Variants in TRAPPC3L observed in about 807,000 individuals in gnomAD.
The protein encoded by TRAPPC3L is trafficking protein particle complex subunit 3L, also known as trafficking protein particle complex subunit 3-like protein.
A neutral mutation model predicts 23.7 loss-of-function variants in TRAPPC3L; 23 were observed. The ratio of observed to expected loss-of-function variants is 0.97; its 90% CI spans 0.70 to 1.37. The LOEUF is 1.37. TRAPPC3L is among the 40% of genes most tolerant of loss of function. The probability of loss-of-function intolerance (pLI) is 0.00; values close to 1 mark genes in which losing one functional copy is unlikely to be tolerated. For missense variants in TRAPPC3L, 212 were observed against 216.8 expected, an observed-to-expected ratio of 0.98 and a Z score of 0.14; for synonymous variants, 81 against 77.9, an observed-to-expected ratio of 1.04 and a Z score of -0.21.
chr6:116,530,402 AAGACTT>A (rs1221350797), intron 3 of TRAPPC3L, among the ~76,000 whole-genome samples: 1 of 152,210 alleles, frequency 6.6e-6, no homozygotes, highest in African/African-American at 2.4e-5. Flanking sequence ...AGGACTGAAA[AAGACTT>A]AGAAAAAAGA....
chr6:116,507,049 T>C (rs150194867), intron 3 of TRAPPC3L, among the ~76,000 whole-genome samples: 1 of 152,130 alleles, frequency 6.6e-6, no homozygotes, highest in African/African-American at 2.4e-5. Flanking sequence ...ATACTATTTT[T>C]AATGTATAGA....
At chr6:116,518,797 T>A (rs1194688987) in intron 3 of TRAPPC3L, 1 of 152,142 alleles carries the variant, frequency 6.6e-6, no homozygotes, top group African/African-American at 2.4e-5. Flanking sequence ...CTTACGCTCA[T>A]GACAATGACT....
intron 3 of TRAPPC3L, chr6:116,518,608 T>C (rs1362489669): frequency 1.3e-5 from 2 of 152,188 alleles, no homozygotes; most frequent in Non-Finnish European, 2.9e-5. Flanking sequence ...AAGTGTCTTC[T>C]GAGCTGGAAA....
rs918393544 is a variant in TRAPPC3L at position 116,500,490 on chromosome 6, G to A, written c.417C>T (p.Ala139=). The change falls in exon 4 of 5, where the codon GCC becomes GCT. Residue 139 remains alanine, a synonymous_variant. Coordinates refer to ENST00000368602, the MANE Select transcript of TRAPPC3L (RefSeq NM_001139444.3). The part of the protein sequence containing the change: ...CNLLCGIIRG[A]LEMVHLAADV... ...ACTTATTCAACTTTACCATTTCCAA[G>A]GCACCTCTGATAATCCCACAGAGCA... 6.5e-7 allele frequency: 1 copy of A among 1,547,626 alleles called. No individual in the cohort carries two copies. The highest frequency in any genetic ancestry group is 1.4e-5 in the African/African-American group (1 of 72,782).
rs1052235157 is a variant in TRAPPC3L at position 116,495,322 on chromosome 6, C to T, written c.*1632G>A. On this transcript the variant is annotated 3_prime_UTR_variant, in exon 5 of 5. Transcript: ENST00000368602. ...GAACATAATGACCTCTAGTTCCATC[C>T]ATGTTTTGCAAATGACAGGATCTCA... is the stretch of plus-strand genomic sequence containing the variant. The T allele has an allele frequency of 6.6e-6, 1 of 151,890 alleles. No individual in the cohort carries two copies. The highest frequency in any genetic ancestry group is 1.5e-5 in the Non-Finnish European group (1 of 67,986). 9.4% of individuals were successfully genotyped at this position (151,890 alleles called of 1,614,324 possible).
chr6:116,522,041 A>C (rs1416710643), intron 3 of TRAPPC3L: 2 of 152,238 alleles, frequency 1.3e-5, no homozygotes, highest in Non-Finnish European at 2.9e-5. Flanking sequence ...AGAGAGAGAG[A>C]GAGAGATCCC....
chr6:116,501,579 C>A (rs978769430), intron 3 of TRAPPC3L, among the ~76,000 whole-genome samples: 2 of 152,300 alleles, frequency 1.3e-5, no homozygotes, highest in East Asian at 1.9e-4. Flanking sequence ...GGTCCATGAC[C>A]CCCATGTAGC....
chr6:116,497,588 G>A (rs1771850191), intron 4 of TRAPPC3L, among the ~76,000 whole-genome samples: 1 of 152,106 alleles, frequency 6.6e-6, no homozygotes, highest in Non-Finnish European at 1.5e-5. Flanking sequence ...ATGAATTATA[G>A]ATATAAAATT....
chr6:116,527,655 G>C (rs1772485379), intron 3 of TRAPPC3L, among the ~76,000 whole-genome samples: 1 of 151,732 alleles, frequency 6.6e-6, no homozygotes, highest in Non-Finnish European at 1.5e-5. Context: ...TAGAGGTGAA[G>C]TTTTGCCTTC....
intron 2 of TRAPPC3L, 133 bp downstream of exon 2, chr6:116,543,170 G>T (rs1053831091): frequency 1.7e-6 from 1 of 604,032 alleles, no homozygotes. Flanking sequence ...ATTATGTTCA[G>T]CTTTCAGATG....
chr6:116,508,232 G>T (rs186805472), intron 3 of TRAPPC3L, among the ~76,000 whole-genome samples: 3,985 of 152,286 alleles, frequency 0.026, 154 homozygotes, highest in African/African-American at 0.088. Context: ...CTGGCACACA[G>T]TGGGAGTTCA....
At chr6:116,526,050 A>G (rs548711062) in intron 3 of TRAPPC3L, among the ~76,000 whole-genome samples, 1 of 152,348 alleles carries the variant, frequency 6.6e-6, no homozygotes, top group South Asian at 2.1e-4. Context: ...CACCGACCCT[A>G]TGCATGAAGT....
At chr6:116,536,963 A>G (rs1192020193) in intron 3 of TRAPPC3L, among the ~76,000 whole-genome samples, 2 of 152,202 alleles carry the variant, frequency 1.3e-5, no homozygotes, top group African/African-American at 2.4e-5. Context: ...ATTTTTAACA[A>G]AGCTTCAGTG....
chr6:116,512,089 G>T lies in TRAPPC3L; in HGVS notation c.241-11423C>A, dbSNP rs561909396. On this transcript the variant is annotated intron_variant, in intron 3 of 4. Transcript: ENST00000368602. ...CTTTCTATGAATGTGCCATGAGCGG[G>T]ACGAGAAGTTCAGGACTCCTGGAAC... is the stretch of plus-strand genomic sequence containing the variant. 44 of 1,614,056 alleles carry T rather than the reference G, an allele frequency of 2.7e-5. No individual in the cohort carries two copies. The South Asian group carries it at 4.5e-4, about 17-fold the overall frequency.
chr6:116,515,061 A>T (rs73553441), intron 3 of TRAPPC3L, among the ~76,000 whole-genome samples: 10 of 152,164 alleles, frequency 6.6e-5, no homozygotes, highest in African/African-American at 2.4e-4. Flanking sequence ...GGTTTTAATG[A>T]TCCTAATTTT....
At chr6:116,505,315 TGTGAA>T (rs2115158106) in intron 3 of TRAPPC3L, among the ~76,000 whole-genome samples, 1 of 152,266 alleles carries the variant, frequency 6.6e-6, no homozygotes, top group South Asian at 2.1e-4. Context: ...TTACAAGGGA[TGTGAA>T]GGACCTCTTC....
chr6:116,535,184 GA>G (rs367690936), intron 3 of TRAPPC3L, among the ~76,000 whole-genome samples: 2 of 152,346 alleles, frequency 1.3e-5, no homozygotes, highest in Middle Eastern at 3.4e-3. Flanking sequence ...GATAGCTAGT[GA>G]AAATAACACC....
chr6:116,509,235 G>A (rs542074547), intron 3 of TRAPPC3L, among the ~76,000 whole-genome samples: 2 of 152,140 alleles, frequency 1.3e-5, no homozygotes, highest in South Asian at 4.1e-4. Context: ...CTCCTGGATT[G>A]GAAGAATCAA....
At position 116,505,563 on chromosome 6, in the gene TRAPPC3L, C is replaced by T. The variant is rs1771989595; in HGVS notation, c.241-4897G>A. ...CAAAAAAGAGCCCGCATTGCCAAGA[C>T]AATCCTAAGCAAAAAGAACAAAGCT... On this transcript the variant is annotated intron_variant, in intron 3 of 4. Coordinates refer to ENST00000368602, the MANE Select transcript of TRAPPC3L (RefSeq NM_001139444.3). Among the ~76,000 whole-genome samples the T allele has an allele frequency of 2.0e-5, 3 of 152,148 alleles. No homozygotes were observed. The South Asian group carries it at 6.2e-4, about 31-fold the overall frequency.
Sources: allele counts gnomAD v4.1 joint callset (sites outside exome capture counted in the v4.1 genomes callset), GRCh38; gene constraint gnomAD v4.1.1; transcripts MANE v1.5; gene names NCBI Gene and HGNC (gene_info 2026-07-23, HGNC 2026-07-21).